The following RAD51B variants were observed in gnomAD, a reference collection of about 807,000 sequenced individuals.
RAD51B encodes DNA repair protein RAD51 homolog 2.
A neutral mutation model predicts 42.2 loss-of-function variants in RAD51B; 38 were observed. The observed-to-expected ratio is 0.90, with a 90% CI of 0.70 to 1.18. RAD51B has a LOEUF of 1.18. Among genes scored for constraint, RAD51B ranks in the 50% most tolerant of loss-of-function variants. RAD51B has a pLI of 0.00. For synonymous variants in RAD51B, 154 were observed against 145.2 expected (o/e 1.06, Z -0.43); for missense variants, 373 against 400.7 (o/e 0.93, Z 0.59).
Position 67,887,147 on chromosome 14 carries a change from G to A in RAD51B, c.699G>A (p.Lys233=), listed in dbSNP as rs149154702. 1.0e-4 allele frequency: 166 copies of A among 1,612,248 alleles called. 1 individual carries two copies. The African/African-American group carries it at 1.8e-3, about 17-fold the overall frequency. ...AAGGCAATCTCAAAGAAAGAAACAA[G>A]TTCTTGGCAAGAGAGGCATCCTCCT... The part of the protein sequence containing the change: ...QLQGNLKERN[K]FLAREASSLK... The change falls in exon 7 of 11, where the codon AAG becomes AAA. Residue 233 remains lysine, a synonymous_variant. Coordinates refer to ENST00000471583, the MANE Select transcript of RAD51B (RefSeq NM_133510.4).
At chr14:68,274,782 GCTT>G (rs2081188096) in intron 7 of RAD51B, among the ~76,000 whole-genome samples, 1 of 152,098 alleles carries the variant, frequency 6.6e-6, no homozygotes, top group African/African-American at 2.4e-5. Context: ...TTGGCTGATG[GCTT>G]CTTCACCACG....
chr14:68,598,403 A>G (rs982132238), downstream of RAD51B, among the ~76,000 whole-genome samples: 1 of 152,256 alleles, frequency 6.6e-6, no homozygotes, highest in African/African-American at 2.4e-5. Flanking sequence ...CTCAGGGAAA[A>G]GGAGAAATCA....
At chr14:68,596,289 C>T (rs1392356559), downstream of RAD51B, among the ~76,000 whole-genome samples, 1 of 152,050 alleles carries the variant, frequency 6.6e-6, no homozygotes, top group African/African-American at 2.4e-5. Context: ...CAGTAATGAG[C>T]ATCTCCAAGG....
At chr14:68,137,104 T>C (rs1308767164) in intron 7 of RAD51B, among the ~76,000 whole-genome samples, 2 of 152,146 alleles carry the variant, frequency 1.3e-5, no homozygotes, top group Non-Finnish European at 2.9e-5. Context: ...GGTAAAACTC[T>C]GCCTCTACTA....
At chr14:67,949,351 T>C (rs1464167437) in intron 7 of RAD51B, among the ~76,000 whole-genome samples, 1 of 152,250 alleles carries the variant, frequency 6.6e-6, no homozygotes, top group Non-Finnish European at 1.5e-5. Context: ...AACAATGTTA[T>C]TAGCATCATC....
intron 10 of RAD51B, among the ~76,000 whole-genome samples, chr14:68,535,721 C>A: frequency 6.6e-6 from 1 of 151,920 alleles, no homozygotes. Context: ...TCAGGAAAAC[C>A]AAGGAAAAAA....
At chr14:67,925,757 T>A (rs1167963086) in intron 7 of RAD51B, among the ~76,000 whole-genome samples, 1 of 152,214 alleles carries the variant, frequency 6.6e-6, no homozygotes, top group African/African-American at 2.4e-5. Flanking sequence ...TTTCCAAACA[T>A]CTTCTGAAAT....
intron 4 of RAD51B, among the ~76,000 whole-genome samples, chr14:67,840,989 G>A (rs2041408019): frequency 6.6e-6 from 1 of 151,982 alleles, no homozygotes; most frequent in African/African-American, 2.4e-5. Flanking sequence ...TAGTAGAGAT[G>A]GGGTTTCACC....
chr14:67,894,787 C>A (rs1278794025), intron 7 of RAD51B, among the ~76,000 whole-genome samples: 3 of 151,928 alleles, frequency 2.0e-5, no homozygotes, highest in African/African-American at 7.3e-5. Context: ...TTCTTTTTTT[C>A]TTTTTATTTT....
At chr14:68,320,630 C>T (rs767595783) in intron 8 of RAD51B, among the ~76,000 whole-genome samples, 2 of 152,236 alleles carry the variant, frequency 1.3e-5, no homozygotes, top group African/African-American at 2.4e-5. Flanking sequence ...ATATACTGCC[C>T]AACACCCACT....
At chr14:68,225,933 C>T (rs1751382) in intron 7 of RAD51B, among the ~76,000 whole-genome samples, 26,617 of 152,144 alleles carry the variant, frequency 0.17, 2,494 homozygotes, top group Middle Eastern at 0.36. Flanking sequence ...TCTCTGAGGA[C>T]TGAAAATGTA....
intron 11 of RAD51B, among the ~76,000 whole-genome samples, chr14:68,672,036 A>G (rs1004673041): frequency 1.3e-5 from 2 of 152,190 alleles, no homozygotes; most frequent in Non-Finnish European, 2.9e-5. Flanking sequence ...GCAAAGCCAG[A>G]GAAGCTAAAC....
At chr14:68,633,681 G>A (rs1246303623) in intron 10 of RAD51B, among the ~76,000 whole-genome samples, 2 of 152,224 alleles carry the variant, frequency 1.3e-5, no homozygotes, top group Non-Finnish European at 2.9e-5. Flanking sequence ...CGAAACCCAG[G>A]CCACCAGCCA....
At chr14:67,841,891 C>T (rs1327819721) in intron 4 of RAD51B, among the ~76,000 whole-genome samples, 1 of 152,166 alleles carries the variant, frequency 6.6e-6, no homozygotes, top group Non-Finnish European at 1.5e-5. Context: ...TTTTCAGACT[C>T]TTAACTTCCC....
chr14:68,587,713 G>A (rs180948377), intron 10 of RAD51B, among the ~76,000 whole-genome samples: 21 of 152,122 alleles, frequency 1.4e-4, no homozygotes, highest in Non-Finnish European at 2.1e-4. Context: ...GCAGGCCTCC[G>A]CCAGCCTTTG....
chr14:68,421,875 G>T, intron 9 of RAD51B: 1 of 1,594,310 alleles, frequency 6.3e-7, no homozygotes, highest in East Asian at 2.2e-5. Flanking sequence ...GGAACCATTT[G>T]TGTTGGGTCC....
intron 7 of RAD51B, among the ~76,000 whole-genome samples, chr14:67,897,056 G>T (rs2043445704): frequency 2.0e-5 from 3 of 152,142 alleles, no homozygotes; most frequent in South Asian, 4.1e-4. Context: ...ACAAGAATGA[G>T]ATTGGGCCCT....
At chr14:67,907,067 C>T (rs999256140) in intron 7 of RAD51B, among the ~76,000 whole-genome samples, 5 of 152,080 alleles carry the variant, frequency 3.3e-5, no homozygotes, top group Admixed American at 6.6e-5. Flanking sequence ...TCTTGGCCTC[C>T]CAAAGTTCTG....
intron 5 of RAD51B, among the ~76,000 whole-genome samples, chr14:67,874,114 AT>A (rs34821514): frequency 0.051 from 7,803 of 152,104 alleles, 459 homozygotes; most frequent in African/African-American, 0.15. Flanking sequence ...AATTAAAAAA[AT>A]GTATTAAAGA....
Sources: allele counts gnomAD v4.1 joint callset (sites outside exome capture counted in the v4.1 genomes callset), GRCh38; gene constraint gnomAD v4.1.1; transcripts MANE v1.5; gene names NCBI Gene and HGNC (gene_info 2026-07-23, HGNC 2026-07-21).